The following PPARG variants were observed in gnomAD, a reference collection of about 807,000 sequenced individuals.
PPARG encodes peroxisome proliferator-activated receptor gamma.
Under a neutral mutation model 39.2 loss-of-function variants are expected in PPARG, and 17 were observed. The observed-to-expected ratio is 0.43, with a 90% CI of 0.30 to 0.65. The LOEUF is 0.65. Ranked by LOEUF, PPARG falls within the 30% of genes least tolerant of loss-of-function variation. The pLI is 0.13. For synonymous variants in PPARG, 223 were observed against 215.7 expected, an observed-to-expected ratio of 1.03 and a Z score of -0.30; for missense variants, 406 against 585.9, an observed-to-expected ratio of 0.69 and a Z score of 3.17.
Position 12,310,615 on chromosome 3 carries a change from C to T in PPARG, c.-82-1765C>T, listed in dbSNP as rs1365142080. Among the ~76,000 whole-genome samples the T allele has an allele frequency of 1.7e-4, 21 of 124,112 alleles. 5 individuals carry two copies. Among genetic ancestry groups the T allele is most frequent in the South Asian group, 2.6e-4 (1 of 3,806 alleles). The allele number at this position is 124,112 out of a possible 152,430, so 81.4% of individuals were successfully genotyped here. A position where few individuals can be genotyped will look rare whatever the true frequency, so the allele number is the denominator to read the frequency against. ...AGTAGCTGGGACTACAGGCGCCCGC[C>T]ACTACGCCCGGCTAATTTTTTGTAT... is the stretch of plus-strand genomic sequence containing the variant. On this transcript the variant is annotated intron_variant, in intron 1 of 7. Transcript: ENST00000651735.
chr3:12,402,703 G>A lies in PPARG; in HGVS notation c.530-3179G>A, dbSNP rs187595553. ...GATGGATGGCCCATCAAAATGTCCC[G>A]TGGAAGACATATAATGTCAGAAGTT... On this transcript the variant is annotated intron_variant, in intron 5 of 7. Coordinates refer to ENST00000651735, the MANE Select transcript of PPARG (RefSeq NM_138711.6). Among the ~76,000 whole-genome samples the A allele has an allele frequency of 6.6e-4, 100 of 152,148 alleles. 1 individual carries two copies. Among genetic ancestry groups the A allele is most frequent in the African/African-American group, 2.3e-3 (97 of 41,502 alleles).
chr3:12,304,857 C>T (rs1191468426), intron 1 of PPARG, among the ~76,000 whole-genome samples: 3 of 152,120 alleles, frequency 2.0e-5, no homozygotes, highest in African/African-American at 4.8e-5. Context: ...AACTTTTTGG[C>T]TGAGTAATTT....
chr3:12,380,887 T>C (rs2049626371), intron 3 of PPARG, among the ~76,000 whole-genome samples: 1 of 152,186 alleles, frequency 6.6e-6, no homozygotes, highest in Non-Finnish European at 1.5e-5. Flanking sequence ...CACAGTGGTG[T>C]TCCTTCTGTG....
intron 1 of PPARG, among the ~76,000 whole-genome samples, chr3:12,293,224 A>G (rs2046693167): frequency 1.3e-5 from 2 of 152,230 alleles, no homozygotes; most frequent in Admixed American, 1.3e-4. Context: ...CCCTCCAGTC[A>G]GGATTTAAAC....
At chr3:12,324,823 T>C (rs2047646327) in intron 2 of PPARG, among the ~76,000 whole-genome samples, 1 of 152,178 alleles carries the variant, frequency 6.6e-6, no homozygotes, top group Admixed American at 6.5e-5. Flanking sequence ...TTATTAAAAA[T>C]TGTTAAGATG....
At position 12,298,324 on chromosome 3, in the gene PPARG, A is replaced by AAAAAAAG. The variant is rs764771478; in HGVS notation, c.-83+9193_-83+9194insAAAGAAA. Among the ~76,000 whole-genome samples the AAAAAAAG allele has an allele frequency of 1.4e-3, 187 of 134,692 alleles. 2 individuals carry two copies. Among genetic ancestry groups the AAAAAAAG allele is most frequent in the African/African-American group, 4.2e-3 (161 of 38,362 alleles). 88.4% of individuals were successfully genotyped at this position (134,692 alleles called of 152,430 possible). ...AAAAAAAAAAAAAAAAAAAAAAAAA[A>AAAAAAAG]AAAGAAATGTAAAATAGCAAGCGAG... On this transcript the variant is annotated intron_variant, in intron 1 of 7. Coordinates refer to ENST00000651735, the MANE Select transcript of PPARG (RefSeq NM_138711.6).
chr3:12,434,115 C>A lies in PPARG; in HGVS notation c.1398C>A (p.Leu466=). The change falls in exon 8 of 8, where the codon CTC becomes CTA. Residue 466 remains leucine, a synonymous_variant. Transcript: ENST00000651735. The surrounding 1 kb of genome is among the most constrained non-coding windows in gnomAD (Gnocchi z 4.2). ...AGACAGACATGAGTCTTCACCCGCT[C>A]CTGCAGGAGATCTACAAGGACTTGT... ...KTETDMSLHP[L]LQEIYKDLY is the part of the protein sequence containing the mutation. 6.2e-7 allele frequency: 1 copy of A among 1,613,698 alleles called. No individual in the cohort carries two copies. Among genetic ancestry groups the A allele is most frequent in the Non-Finnish European group, 8.5e-7 (1 of 1,179,942 alleles).
intron 5 of PPARG, among the ~76,000 whole-genome samples, chr3:12,397,297 C>A (rs2125228574): frequency 6.6e-6 from 1 of 151,230 alleles, no homozygotes; most frequent in East Asian, 1.9e-4. Context: ...CAGTGCCTTG[C>A]AAACAGCAGC....
intron 2 of PPARG, among the ~76,000 whole-genome samples, chr3:12,337,234 G>A (rs1188251971): frequency 6.6e-6 from 1 of 152,144 alleles, no homozygotes; most frequent in Non-Finnish European, 1.5e-5. Context: ...AGTCTTAGTG[G>A]ATGGCAGAAA....
intron 7 of PPARG, among the ~76,000 whole-genome samples, chr3:12,429,127 T>A (rs551997900): frequency 6.6e-6 from 1 of 152,318 alleles, no homozygotes; most frequent in East Asian, 1.9e-4. Context: ...GATCTGTAAA[T>A]GATCTAACTT....
intron 7 of PPARG, among the ~76,000 whole-genome samples, chr3:12,423,872 G>A (rs930272081): frequency 6.6e-6 from 1 of 152,190 alleles, no homozygotes; most frequent in Non-Finnish European, 1.5e-5. Context: ...CAGGACAACA[G>A]CCAAAGAGTA....
chr3:12,327,962 G>T, intron 2 of PPARG: 1 of 745,732 alleles, frequency 1.3e-6, no homozygotes, highest in Non-Finnish European at 2.4e-6. Flanking sequence ...AAGGTAAAAT[G>T]GGAATAAATA....
At chr3:12,396,520 G>T (rs1278096387) in intron 5 of PPARG, among the ~76,000 whole-genome samples, 1 of 152,100 alleles carries the variant, frequency 6.6e-6, no homozygotes, top group Non-Finnish European at 1.5e-5. Context: ...ACTTTGGGAG[G>T]CCGAGGTCAG....
chr3:12,421,753 G>A (rs1469762183), intron 7 of PPARG, among the ~76,000 whole-genome samples: 1 of 152,174 alleles, frequency 6.6e-6, no homozygotes, highest in East Asian at 1.9e-4. Context: ...CACTACAACG[G>A]CTGCAGATGG....
chr3:12,359,265 T>G (rs1466313515), intron 2 of PPARG, among the ~76,000 whole-genome samples: 2 of 152,112 alleles, frequency 1.3e-5, no homozygotes, highest in East Asian at 3.9e-4. Flanking sequence ...GATTGAACAT[T>G]TACTGAGCTG....
chr3:12,370,045 T>C (rs2049153595), intron 2 of PPARG, among the ~76,000 whole-genome samples: 1 of 152,200 alleles, frequency 6.6e-6, no homozygotes, highest in Non-Finnish European at 1.5e-5. Context: ...GTCCCATCTT[T>C]TCTCTTCTTG....
At chr3:12,389,309 A>G (rs2049987073) in intron 4 of PPARG, among the ~76,000 whole-genome samples, 1 of 152,222 alleles carries the variant, frequency 6.6e-6, no homozygotes, top group Non-Finnish European at 1.5e-5. Context: ...TAGAATAAGA[A>G]AGTCTAGTAC....
intron 4 of PPARG, among the ~76,000 whole-genome samples, chr3:12,387,613 A>G (rs1054421665): frequency 1.3e-5 from 2 of 152,168 alleles, no homozygotes; most frequent in African/African-American, 4.8e-5. Flanking sequence ...GATTCTGGAT[A>G]TTAGCCCTTT....
rs1286678629 is a variant in PPARG, at chr3:12,379,854, A to G, written c.143A>G (p.Tyr48Cys). The G allele has an allele frequency of 6.2e-7, 1 of 1,613,944 alleles. No homozygotes were observed. Among genetic ancestry groups the G allele is most frequent in the South Asian group, 1.1e-5 (1 of 91,078 alleles). Reference protein sequence around the residue: ...VDFSSISTPHYEDIPFTRTDP... With the variant: ...VDFSSISTPHCEDIPFTRTDP... ...TTCTCCAGCATTTCTACTCCACATTACGAAGACATTCCATTCACAAGAACA... is the reference window on the plus strand; with the variant it reads ...TTCTCCAGCATTTCTACTCCACATTGCGAAGACATTCCATTCACAAGAACA... The change falls in exon 3 of 8, where the codon TAC becomes TGC. Residue 48 changes from tyrosine (Y) to cysteine (C), a missense_variant. This residue lies in a region of PPARG where 131 missense variants were observed against 127.9 expected (regional missense o/e 1.02). Transcript: ENST00000651735.
Sources: gnomAD v4.1 joint callset for allele counts (sites outside exome capture counted in the v4.1 genomes callset) on GRCh38, gnomAD v4.1.1 for gene constraint, gnomAD v4.1.1 regional missense constraint, Gnocchi (gnomAD v3.1) non-coding constraint, MANE v1.5 for transcripts, NCBI Gene and HGNC (gene_info 2026-07-23, HGNC 2026-07-21) for gene names.